Variants in OSTM1 observed in about 807,000 individuals in gnomAD.
The protein encoded by OSTM1 is osteopetrosis-associated transmembrane protein 1.
A neutral mutation model predicts 35.4 loss-of-function variants in OSTM1; 26 were observed. The observed-to-expected ratio is 0.73, with a 90% CI of 0.54 to 1.02. The LOEUF (loss-of-function observed/expected upper bound fraction) is 1.02. Among genes scored for constraint, OSTM1 ranks in the 50% least tolerant of loss-of-function variants. OSTM1 has a pLI of 0.00. For synonymous variants in OSTM1, 181 were observed against 165.0 expected, an observed-to-expected ratio of 1.10 and a Z score of -0.75; for missense variants, 366 against 409.6, an observed-to-expected ratio of 0.89 and a Z score of 0.92.
At chr6:108,058,673 G>A (rs1188619368) in intron 2 of OSTM1, among the ~76,000 whole-genome samples, 1 of 152,124 alleles carries the variant, frequency 6.6e-6, no homozygotes, top group Non-Finnish European at 1.5e-5. Flanking sequence ...AGCTACTCAG[G>A]AGGCTGAGGC....
intron 1 of OSTM1, among the ~76,000 whole-genome samples, chr6:108,066,123 CCGTGAGGGT>C (rs1772372156): frequency 6.6e-6 from 1 of 152,054 alleles, no homozygotes; most frequent in East Asian, 1.9e-4. Context: ...TTATGAGAGG[CCGTGAGGGT>C]CATGAGAGTT....
Position 108,042,217 on chromosome 6 carries a change from A to T in OSTM1, c.*2568T>A, listed in dbSNP as rs938362320. ...GAGGCTAAGGCAGGAGGATCTCTTG[A>T]ACTCAGGAGTTCAAGACCAGCTTGG... On this transcript the variant is annotated 3_prime_UTR_variant, in exon 6 of 6. Coordinates refer to ENST00000193322, the MANE Select transcript of OSTM1 (RefSeq NM_014028.4). 2 of 145,604 alleles carry T rather than the reference A, an allele frequency of 1.4e-5. No individual in the cohort carries two copies. Among genetic ancestry groups the T allele is most frequent in the African/African-American group, 5.1e-5 (2 of 39,546 alleles). The allele number at this position is 145,604 out of a possible 1,614,324, so 9.0% of individuals were successfully genotyped here.
At chr6:108,071,460 A>ATTTTTTTT (rs545759140) in intron 1 of OSTM1, among the ~76,000 whole-genome samples, 192 of 103,400 alleles carry the variant, frequency 1.9e-3, no homozygotes, top group African/African-American at 3.2e-3. Context: ...CACCCGGCTA[A>ATTTTTTTT]TTTTTTTTTT....
At chr6:108,062,615 A>G (rs1010004655) in intron 2 of OSTM1, among the ~76,000 whole-genome samples, 1 of 148,882 alleles carries the variant, frequency 6.7e-6, no homozygotes, top group Non-Finnish European at 1.5e-5. Flanking sequence ...TGGCACAACC[A>G]TGATTCATTG....
intron 5 of OSTM1, among the ~76,000 whole-genome samples, chr6:108,047,265 T>G (rs2157501): frequency 0.33 from 49,386 of 151,872 alleles, 8,521 homozygotes; most frequent in Admixed American, 0.47. Flanking sequence ...GCCAGGTAAG[T>G]AAAGAGGGAA....
At chr6:108,073,350 C>T (rs1022353365) in intron 1 of OSTM1, among the ~76,000 whole-genome samples, 3 of 152,160 alleles carry the variant, frequency 2.0e-5, no homozygotes, top group African/African-American at 7.2e-5. Context: ...CACCTCGTGA[C>T]TCCCACCAAC....
intron 3 of OSTM1, among the ~76,000 whole-genome samples, chr6:108,051,825 A>C (rs1260982029): frequency 6.6e-6 from 1 of 152,190 alleles, no homozygotes; most frequent in Non-Finnish European, 1.5e-5. Context: ...AGGTACATAA[A>C]ATATTATGCT....
Position 108,041,717 on chromosome 6 carries a change from T to C in OSTM1, c.*3068A>G, listed in dbSNP as rs761442078. The C allele has an allele frequency of 6.6e-6, 1 of 152,192 alleles. No individual in the cohort carries two copies. The highest frequency in any genetic ancestry group is 1.5e-5 in the Non-Finnish European group (1 of 68,038). 9.4% of individuals were successfully genotyped at this position (152,192 alleles called of 1,614,324 possible). ...TGACTGTTATAAATAAAGAGCTCTA[T>C]GATGTTCCACTTATTTAGTCTTAAT... On this transcript the variant is annotated 3_prime_UTR_variant, in exon 6 of 6. Transcript: ENST00000193322.
chr6:108,061,688 G>A (rs555163207), intron 2 of OSTM1, among the ~76,000 whole-genome samples: 1 of 151,248 alleles, frequency 6.6e-6, no homozygotes, highest in South Asian at 2.1e-4. Flanking sequence ...ACCATGCCCA[G>A]CTAATTTTTT....
At chr6:108,045,095 A>G (rs1771944095) in intron 5 of OSTM1, among the ~76,000 whole-genome samples, 2 of 152,208 alleles carry the variant, frequency 1.3e-5, no homozygotes, top group African/African-American at 4.8e-5. Context: ...CTTCTTGAAC[A>G]TCACAATCTT....
In OSTM1 at chr6:108,074,711, C is replaced by T; in HGVS notation, c.-60G>A. 2 of 1,437,774 alleles carry T rather than the reference C, an allele frequency of 1.4e-6. No individual in the cohort carries two copies. The highest frequency in any genetic ancestry group is 1.8e-6 in the Non-Finnish European group (2 of 1,101,940). 89.1% of individuals were successfully genotyped at this position (1,437,774 alleles called of 1,614,324 possible). On this transcript the variant is annotated 5_prime_UTR_variant, in exon 1 of 6. Transcript: ENST00000193322. ...GCCTCTCCGCCCCCAGCCGGCACCG[C>T]GGACAGCCGCCGCTTCCGGTTTCCG...
At chr6:108,068,651 G>C (rs1772423619) in intron 1 of OSTM1, among the ~76,000 whole-genome samples, 1 of 151,830 alleles carries the variant, frequency 6.6e-6, no homozygotes, top group Non-Finnish European at 1.5e-5. Flanking sequence ...AGACACCACT[G>C]TCTCTCACAC....
intron 3 of OSTM1, 33 bp from the exon 4 acceptor site, chr6:108,051,231 A>G: frequency 7.1e-7 from 1 of 1,416,742 alleles, no homozygotes; most frequent in Non-Finnish European, 1.0e-6. Flanking sequence ...AATATATACA[A>G]TAAACATTAT....
chr6:108,049,797 A>G (rs1252129281), intron 4 of OSTM1: 2 of 191,236 alleles, frequency 1.0e-5, no homozygotes, highest in Admixed American at 1.1e-4. Context: ...GTACTGTTTT[A>G]GGCAATAGGA....
chr6:108,066,818 T>C (rs1039777469), intron 1 of OSTM1, among the ~76,000 whole-genome samples: 4 of 152,228 alleles, frequency 2.6e-5, no homozygotes, highest in Admixed American at 1.3e-4. Flanking sequence ...TATCCACCTA[T>C]ATATGTTTAG....
chr6:108,054,239 A>T lies in OSTM1; in HGVS notation c.615+251T>A, dbSNP rs553300834. Among the ~76,000 whole-genome samples, 167 of 152,258 alleles carry T rather than the reference A, an allele frequency of 1.1e-3. 2 individuals are homozygous for T. The highest frequency in any genetic ancestry group is 2.7e-3 in the South Asian group (13 of 4,822). On this transcript the variant is annotated intron_variant, in intron 3 of 5. Transcript: ENST00000193322. The stretch of plus-strand genomic sequence containing the variant: ...TCAATGTTTTCACAATCATTATCTC[A>T]CCAGATTCTCATTACAAAATACTTT...
intron 3 of OSTM1, among the ~76,000 whole-genome samples, chr6:108,054,070 CT>C (rs1471251596): frequency 6.6e-6 from 1 of 152,132 alleles, no homozygotes; most frequent in Non-Finnish European, 1.5e-5. Flanking sequence ...CTAAACAGTG[CT>C]TTTTAAGGTA....
intron 5 of OSTM1, among the ~76,000 whole-genome samples, 164 bp downstream of exon 5, chr6:108,049,089 C>A (rs961978960): frequency 2.0e-5 from 3 of 152,108 alleles, no homozygotes; most frequent in African/African-American, 7.2e-5. Flanking sequence ...ATAAAATTTT[C>A]ACAGATCTCT....
chr6:108,070,684 G>A (rs948948221), intron 1 of OSTM1, among the ~76,000 whole-genome samples: 2 of 151,454 alleles, frequency 1.3e-5, no homozygotes, highest in African/African-American at 4.9e-5. Flanking sequence ...GAGGTCAGGA[G>A]TTTGAGACCA....
Sources: allele counts gnomAD v4.1 joint callset (sites outside exome capture counted in the v4.1 genomes callset), GRCh38; gene constraint gnomAD v4.1.1; transcripts MANE v1.5; gene names NCBI Gene and HGNC (gene_info 2026-07-23, HGNC 2026-07-21).